Variants in ERBB4 observed in about 807,000 individuals in gnomAD.
The protein encoded by ERBB4 is receptor tyrosine-protein kinase erbB-4.
In ERBB4, 42 loss-of-function variants were observed where a neutral mutation model predicts 158.0. That is an observed-to-expected ratio of 0.27 (90% CI 0.21 to 0.34). The LOEUF (loss-of-function observed/expected upper bound fraction) is 0.34. ERBB4 is among the 10% of genes least tolerant of loss of function. The pLI is 1.00. For synonymous variants in ERBB4, 583 were observed against 558.7 expected (o/e 1.04, Z -0.61); for missense variants, 1,333 against 1,624.1 (o/e 0.82, Z 3.08).
At chr2:211,699,749 A>C (rs2073162311) in intron 12 of ERBB4, among the ~76,000 whole-genome samples, 1 of 152,170 alleles carries the variant, frequency 6.6e-6, no homozygotes, top group African/African-American at 2.4e-5. Flanking sequence ...CAATCCAAGA[A>C]GCATAACACT....
chr2:211,829,175 A>G (rs760978919), intron 3 of ERBB4, among the ~76,000 whole-genome samples: 14 of 152,152 alleles, frequency 9.2e-5, no homozygotes, highest in Non-Finnish European at 2.1e-4. Flanking sequence ...ACTTACATGT[A>G]TTACTTCCAT....
At chr2:212,183,795 C>G (rs1355757674) in intron 1 of ERBB4, among the ~76,000 whole-genome samples, 1 of 152,052 alleles carries the variant, frequency 6.6e-6, no homozygotes, top group Non-Finnish European at 1.5e-5. Context: ...CCATGAAATT[C>G]ATTTACACAT....
At chr2:211,773,628 A>ATATAT (rs2075784156) in intron 4 of ERBB4, among the ~76,000 whole-genome samples, 1 of 52,048 alleles carries the variant, frequency 1.9e-5, no homozygotes, top group African/African-American at 1.0e-4. Flanking sequence ...ATATATATAT[A>ATATAT]TATATATATA....
intron 3 of ERBB4, among the ~76,000 whole-genome samples, chr2:211,799,087 C>T (rs2076443937): frequency 1.3e-5 from 2 of 152,160 alleles, no homozygotes; most frequent in Non-Finnish European, 2.9e-5. Flanking sequence ...GTCACTACCA[C>T]TGTGCTTCAA....
rs577689406 is a variant in ERBB4, at chr2:212,351,967, T to A, written c.82+186482A>T. ...TAAAGAAAATGTGATACATATACAC[T>A]GTGGAATACTATGCAACCATAAAAA... On this transcript the variant is annotated intron_variant, in intron 1 of 27. Transcript: ENST00000342788. 2.0e-5 allele frequency among the ~76,000 whole-genome samples: 3 copies of A among 152,250 alleles called. No homozygotes were observed. In the South Asian group the frequency reaches 6.2e-4, roughly 32 times the overall value.
chr2:212,379,805 G>T (rs2090444413), intron 1 of ERBB4, among the ~76,000 whole-genome samples: 1 of 151,248 alleles, frequency 6.6e-6, no homozygotes, highest in African/African-American at 2.4e-5. Flanking sequence ...TCTCCTCTGT[G>T]TGTGTGTGTG....
chr2:212,391,779 A>G (rs2090879776), intron 1 of ERBB4, among the ~76,000 whole-genome samples: 1 of 145,000 alleles, frequency 6.9e-6, no homozygotes, highest in Admixed American at 7.1e-5. Flanking sequence ...ATATATGTCA[A>G]TATATTATAT....
rs117357030 is a variant in ERBB4, at chr2:211,540,703, T to A, written c.2487+21200A>T. 8.0e-5 allele frequency among the ~76,000 whole-genome samples: 12 copies of A among 150,220 alleles called. No homozygotes were observed. The East Asian group carries it at 2.4e-3, about 30-fold the overall frequency. On this transcript the variant is annotated intron_variant, in intron 20 of 27. Coordinates refer to ENST00000342788, the MANE Select transcript of ERBB4 (RefSeq NM_005235.3). ...CTCAGCCTCCCGAGTATAAGCTGAG[T>A]TTTAAATCCTGAATAGGGTCACTAG...
chr2:212,134,598 G>C (rs1349640003), intron 1 of ERBB4, among the ~76,000 whole-genome samples: 2 of 150,202 alleles, frequency 1.3e-5, no homozygotes, highest in African/African-American at 4.9e-5. Flanking sequence ...TGTATTATCT[G>C]AATCTTTATC....
At chr2:212,117,391 G>A (rs190704809) in intron 2 of ERBB4, among the ~76,000 whole-genome samples, 4 of 152,196 alleles carry the variant, frequency 2.6e-5, no homozygotes, top group South Asian at 2.1e-4. Flanking sequence ...TAATGATGGC[G>A]AAGTCTAGGT....
intron 1 of ERBB4, among the ~76,000 whole-genome samples, chr2:212,160,613 T>C (rs2081174147): frequency 6.6e-6 from 1 of 152,004 alleles, no homozygotes; most frequent in Non-Finnish European, 1.5e-5. Flanking sequence ...CAGTTTAGTA[T>C]TCTATATGTT....
chr2:211,445,770 T>C (rs1008653772), intron 20 of ERBB4, among the ~76,000 whole-genome samples: 1 of 152,072 alleles, frequency 6.6e-6, no homozygotes, highest in Non-Finnish European at 1.5e-5. Context: ...AATGAATACA[T>C]AGGCTGTCAC....
chr2:212,439,925 G>A (rs2092218858), intron 1 of ERBB4, among the ~76,000 whole-genome samples: 1 of 152,060 alleles, frequency 6.6e-6, no homozygotes. Context: ...ATCAGGGGTG[G>A]GGAGATGTAC....
chr2:211,678,831 G>C (rs2072211077), intron 13 of ERBB4, among the ~76,000 whole-genome samples: 1 of 152,020 alleles, frequency 6.6e-6, no homozygotes, highest in Non-Finnish European at 1.5e-5. Flanking sequence ...GCCGGGCATG[G>C]TGGCGGGCGC....
chr2:211,812,927 C>T (rs1339846967), intron 3 of ERBB4, among the ~76,000 whole-genome samples: 3 of 152,196 alleles, frequency 2.0e-5, no homozygotes, highest in Admixed American at 6.5e-5. Context: ...GGGAGTGTCC[C>T]GTTTTTCCAG....
chr2:211,770,968 T>G (rs2106265549), intron 4 of ERBB4, among the ~76,000 whole-genome samples: 1 of 152,330 alleles, frequency 6.6e-6, no homozygotes, highest in Middle Eastern at 3.4e-3. Flanking sequence ...TTGGCTCATT[T>G]GTAGCATGCC....
At chr2:212,025,238 C>A (rs1682849777) in intron 2 of ERBB4, among the ~76,000 whole-genome samples, 1 of 151,766 alleles carries the variant, frequency 6.6e-6, no homozygotes, top group Admixed American at 6.6e-5. Flanking sequence ...TCATCTATTT[C>A]TAATACCATA....
intron 20 of ERBB4, among the ~76,000 whole-genome samples, chr2:211,516,967 T>G (rs571798377): frequency 1.3e-5 from 2 of 152,278 alleles, no homozygotes; most frequent in Admixed American, 6.5e-5. Flanking sequence ...GTTCTGAATC[T>G]CACCAATTTT....
intron 1 of ERBB4, among the ~76,000 whole-genome samples, chr2:212,457,100 C>T (rs931652022): frequency 6.6e-6 from 1 of 151,862 alleles, no homozygotes; most frequent in Non-Finnish European, 1.5e-5. Flanking sequence ...AAAAGATATC[C>T]TAGTAATATT....
Sources: allele counts gnomAD v4.1 joint callset (sites outside exome capture counted in the v4.1 genomes callset), GRCh38; gene constraint gnomAD v4.1.1; transcripts MANE v1.5; gene names NCBI Gene and HGNC (gene_info 2026-07-23, HGNC 2026-07-21).